BCAS3: variants seen among roughly 807,000 people sequenced by gnomAD.
BCAS3 encodes the protein BCAS3 microtubule associated cell migration factor.
In BCAS3, 53 loss-of-function variants were observed where a neutral mutation model predicts 116.1. The observed-to-expected ratio is 0.46, with a 90% CI of 0.37 to 0.57. BCAS3 has a LOEUF of 0.57. Ranked by LOEUF, BCAS3 falls within the 20% of genes least tolerant of loss-of-function variation. The pLI is 0.00. For synonymous variants in BCAS3, 391 were observed against 408.2 expected (o/e 0.96, Z 0.51); for missense variants, 917 against 1,165.4 (o/e 0.79, Z 3.10).
rs967390400 is a variant in BCAS3 at position 61,229,517 on chromosome 17, T to G, written c.2426-138810T>G. Among the ~76,000 whole-genome samples the G allele has an allele frequency of 1.3e-5, 2 of 152,232 alleles. No individual in the cohort carries two copies. Among genetic ancestry groups the G allele is most frequent in the Non-Finnish European group, 2.9e-5 (2 of 68,044 alleles). ...TTCATAGCTAGAGAGGAGGAGTCAG[T>G]GCCTGGCTTCAAAGCTTCAATTGAA... On this transcript the variant is annotated intron_variant, in intron 22 of 23. Coordinates refer to ENST00000407086, the MANE Select transcript of BCAS3 (RefSeq NM_017679.5). This position sits in a 1 kb window ranked among gnomAD's most constrained non-coding sequence, Gnocchi z 4.4.
At chr17:61,370,056 GA>G (rs1161612396) in intron 23 of BCAS3, among the ~76,000 whole-genome samples, 1 of 152,212 alleles carries the variant, frequency 6.6e-6, no homozygotes, top group African/African-American at 2.4e-5. Flanking sequence ...AAGAGGATTT[GA>G]AGGTGCATTG....
Position 61,097,971 on chromosome 17 carries a change from G to C in BCAS3, c.2425+13407G>C, listed in dbSNP as rs185775215. 6.6e-5 allele frequency among the ~76,000 whole-genome samples: 10 copies of C among 152,370 alleles called. No individual in the cohort carries two copies. Among genetic ancestry groups the C allele is most frequent in the African/African-American group, 2.4e-4 (10 of 41,590 alleles). On this transcript the variant is annotated intron_variant, in intron 22 of 23. Transcript: ENST00000407086. This position sits in a 1 kb window ranked among gnomAD's most constrained non-coding sequence, Gnocchi z 4.0. ...TGAAAATGTGTGAATGCAGCTGGCAGATGAAGTTCCAGTGTGATGAATTCC... is the reference window on the plus strand; with the variant it reads ...TGAAAATGTGTGAATGCAGCTGGCACATGAAGTTCCAGTGTGATGAATTCC...
chr17:61,141,421 A>G lies in BCAS3; in HGVS notation c.2425+56857A>G, dbSNP rs76584259. Among the ~76,000 whole-genome samples, 625 of 152,242 alleles carry G rather than the reference A, an allele frequency of 4.1e-3. 19 individuals are homozygous for G. The East Asian group carries it at 0.087, about 21-fold the overall frequency. On this transcript the variant is annotated intron_variant, in intron 22 of 23. Transcript: ENST00000407086. This position sits in a 1 kb window ranked among gnomAD's most constrained non-coding sequence, Gnocchi z 4.3. The stretch of plus-strand genomic sequence containing the variant: ...AAAAGTGTTAAAAGTAACCAGGTAT[A>G]GTAGCAGGAGTCCATAGTCCCAGCT...
At chr17:60,839,679 T>A (rs1697548001) in intron 7 of BCAS3, among the ~76,000 whole-genome samples, 1 of 152,180 alleles carries the variant, frequency 6.6e-6, no homozygotes, top group African/African-American at 2.4e-5. Context: ...CAAATGAGAA[T>A]ACAAATAATG....
rs1051386101 is a variant in BCAS3 at position 61,285,420 on chromosome 17, A to T, written c.2426-82907A>T. ...CAGATTTTCAACAGGTGTCAGTTACACTTTACCTGGCCCTAAAGTGAAAAG... is the reference window on the plus strand; with the variant it reads ...CAGATTTTCAACAGGTGTCAGTTACTCTTTACCTGGCCCTAAAGTGAAAAG... On this transcript the variant is annotated intron_variant, in intron 22 of 23. Coordinates refer to ENST00000407086, the MANE Select transcript of BCAS3 (RefSeq NM_017679.5). The surrounding 1 kb of genome is among the most constrained non-coding windows in gnomAD (Gnocchi z 5.4). Among the ~76,000 whole-genome samples, 3 of 140,258 alleles carry T rather than the reference A, an allele frequency of 2.1e-5. No individual in the cohort carries two copies. Among genetic ancestry groups the T allele is most frequent in the Non-Finnish European group, 4.9e-5 (3 of 61,384 alleles). 92.0% of individuals were successfully genotyped at this position (140,258 alleles called of 152,430 possible).
chr17:61,303,677 A>G (rs1232199685), intron 22 of BCAS3, among the ~76,000 whole-genome samples: 2 of 152,076 alleles, frequency 1.3e-5, no homozygotes, highest in African/African-American at 2.4e-5. Flanking sequence ...TCTTTTGCCT[A>G]TTTCTGGCTC....
In BCAS3 at chr17:61,243,464, C is replaced by T. The variant is rs1008804221; in HGVS notation, c.2426-124863C>T. 2.6e-5 allele frequency among the ~76,000 whole-genome samples: 4 copies of T among 152,078 alleles called. No individual in the cohort carries two copies. The highest frequency in any genetic ancestry group is 7.2e-5 in the African/African-American group (3 of 41,392). Reference sequence around the variant, plus strand: ...ATACAGTGAAGTGGAGATACCTCTTCGAGATCCACATTTCAGTTCCTTTTG... The same window carrying T: ...ATACAGTGAAGTGGAGATACCTCTTTGAGATCCACATTTCAGTTCCTTTTG... On this transcript the variant is annotated intron_variant, in intron 22 of 23. Coordinates refer to ENST00000407086, the MANE Select transcript of BCAS3 (RefSeq NM_017679.5). The surrounding 1 kb of genome is among the most constrained non-coding windows in gnomAD (Gnocchi z 5.6).
chr17:61,072,798 C>G (rs1270023269), intron 19 of BCAS3, among the ~76,000 whole-genome samples: 2 of 152,134 alleles, frequency 1.3e-5, no homozygotes, highest in East Asian at 3.8e-4. Context: ...CCACAGTGGC[C>G]TCCTAGCTGT....
intron 7 of BCAS3, among the ~76,000 whole-genome samples, chr17:60,834,187 T>A (rs921681409): frequency 1.3e-5 from 2 of 152,074 alleles, no homozygotes; most frequent in African/African-American, 4.8e-5. Flanking sequence ...ATAATTTTGT[T>A]GTACTTCAAT....
In BCAS3 at chr17:61,077,342, C is replaced by T. The variant is rs1239075300; in HGVS notation, c.2131-991C>T. Among the ~76,000 whole-genome samples, 1 of 151,924 alleles carries T rather than the reference C, an allele frequency of 6.6e-6. No individual in the cohort carries two copies. The highest frequency in any genetic ancestry group is 1.5e-5 in the Non-Finnish European group (1 of 67,988). On this transcript the variant is annotated intron_variant, in intron 20 of 23. Coordinates refer to ENST00000407086, the MANE Select transcript of BCAS3 (RefSeq NM_017679.5). The surrounding 1 kb of genome is among the most constrained non-coding windows in gnomAD (Gnocchi z 4.3). ...ACCATCCTGGCTAACACGGTGAAAC[C>T]CCGTCTCTACTAAAAATACAAAAAA...
intron 15 of BCAS3, among the ~76,000 whole-genome samples, chr17:61,011,639 G>A (rs1301616452): frequency 6.6e-6 from 1 of 152,046 alleles, no homozygotes; most frequent in Non-Finnish European, 1.5e-5. Flanking sequence ...TTATTGAGCT[G>A]TTAGCTATTA....
chr17:60,958,779 A>T (rs1361616354), intron 14 of BCAS3, among the ~76,000 whole-genome samples: 3 of 152,248 alleles, frequency 2.0e-5, no homozygotes, highest in African/African-American at 4.8e-5. Flanking sequence ...GTCACTACCT[A>T]TATCAAGACT....
intron 6 of BCAS3, among the ~76,000 whole-genome samples, chr17:60,748,534 T>C (rs2042189860): frequency 6.6e-6 from 1 of 152,236 alleles, no homozygotes; most frequent in Non-Finnish European, 1.5e-5. Context: ...AGAAGGGTTT[T>C]GGAATAGCCA....
intron 16 of BCAS3, among the ~76,000 whole-genome samples, chr17:61,033,225 A>C (rs181590105): frequency 2.0e-5 from 3 of 152,154 alleles, no homozygotes; most frequent in Non-Finnish European, 2.9e-5. Flanking sequence ...TTGAGCATGC[A>C]TCAGAATCAT....
chr17:60,808,929 G>A (rs1302156219), intron 7 of BCAS3, among the ~76,000 whole-genome samples: 1 of 152,128 alleles, frequency 6.6e-6, no homozygotes, highest in Non-Finnish European at 1.5e-5. Flanking sequence ...GAGAAGGACT[G>A]CCAGGGTAGG....
At position 61,309,330 on chromosome 17, in the gene BCAS3, G is replaced by A. The variant is rs1349286909; in HGVS notation, c.2426-58997G>A. Among the ~76,000 whole-genome samples the A allele has an allele frequency of 6.6e-6, 1 of 152,168 alleles. No homozygotes were observed. The highest frequency in any genetic ancestry group is 2.4e-5 in the African/African-American group (1 of 41,438). On this transcript the variant is annotated intron_variant, in intron 22 of 23. Coordinates refer to ENST00000407086, the MANE Select transcript of BCAS3 (RefSeq NM_017679.5). This position sits in a 1 kb window ranked among gnomAD's most constrained non-coding sequence, Gnocchi z 4.6. Reference sequence around the variant, plus strand: ...CTAGGGTAATAAGGGCTGGTGGAGAGGCGGTGTCCATTTTTTGACGGAACT... The same window carrying A: ...CTAGGGTAATAAGGGCTGGTGGAGAAGCGGTGTCCATTTTTTGACGGAACT...
chr17:60,919,296 T>G (rs2058944635), intron 12 of BCAS3, among the ~76,000 whole-genome samples: 1 of 152,218 alleles, frequency 6.6e-6, no homozygotes, highest in African/African-American at 2.4e-5. Flanking sequence ...TGTCCTTTCA[T>G]TGATGTCTGT....
intron 5 of BCAS3, chr17:60,727,550 A>G: frequency 8.5e-7 from 1 of 1,179,880 alleles, no homozygotes. Flanking sequence ...CTCGCCTCGC[A>G]AAGCTCTCGC....
At chr17:61,176,611 GCA>G (rs1285836467) in intron 22 of BCAS3, among the ~76,000 whole-genome samples, 2 of 152,032 alleles carry the variant, frequency 1.3e-5, no homozygotes, top group South Asian at 4.2e-4. Flanking sequence ...AGGCTGGAGT[GCA>G]CTGGTGCTAT....
Sources: allele counts gnomAD v4.1 joint callset (sites outside exome capture counted in the v4.1 genomes callset), GRCh38; gene constraint gnomAD v4.1.1; non-coding constraint Gnocchi (gnomAD v3.1); transcripts MANE v1.5; gene names NCBI Gene and HGNC (gene_info 2026-07-23, HGNC 2026-07-21).